The following BANK1 variants were observed in gnomAD, a reference collection of about 807,000 sequenced individuals.
The protein encoded by BANK1 is B-cell scaffold protein with ankyrin repeats.
Under a neutral mutation model 94.5 loss-of-function variants are expected in BANK1, and 95 were observed. The observed-to-expected ratio is 1.00, with a 90% CI of 0.85 to 1.19. The LOEUF (loss-of-function observed/expected upper bound fraction) is 1.19. BANK1 is among the 50% of genes most tolerant of loss of function. The pLI is 0.00. For missense variants in BANK1, 987 were observed against 932.2 expected (o/e 1.06, Z -0.77); for synonymous variants, 334 against 308.4 (o/e 1.08, Z -0.87).
At chr4:101,919,720 G>A (rs1722940317) in intron 7 of BANK1, among the ~76,000 whole-genome samples, 1 of 151,898 alleles carries the variant, frequency 6.6e-6, no homozygotes, top group African/African-American at 2.4e-5. Context: ...CTGCCTGAAT[G>A]TCTACAGTAA....
intron 2 of BANK1, among the ~76,000 whole-genome samples, chr4:101,840,192 T>C (rs1002911411): frequency 6.6e-6 from 1 of 150,958 alleles, no homozygotes; most frequent in Non-Finnish European, 1.5e-5. Flanking sequence ...ATGGTCTCGA[T>C]CTCCTGACCT....
intron 7 of BANK1, among the ~76,000 whole-genome samples, chr4:101,933,218 G>A (rs921382721): frequency 1.1e-4 from 16 of 151,140 alleles, no homozygotes; most frequent in Non-Finnish European, 1.3e-4. Flanking sequence ...GAGATTATTT[G>A]GAGAAACTAG....
At chr4:101,796,624 A>G (rs1023747077) in intron 1 of BANK1, among the ~76,000 whole-genome samples, 3 of 152,210 alleles carry the variant, frequency 2.0e-5, no homozygotes, top group African/African-American at 4.8e-5. Context: ...TTAGAGCTGG[A>G]GAGAAAATAA....
At chr4:101,926,359 T>C (rs1355140121) in intron 7 of BANK1, among the ~76,000 whole-genome samples, 1 of 151,766 alleles carries the variant, frequency 6.6e-6, no homozygotes, top group Non-Finnish European at 1.5e-5. Context: ...GATTGACTTA[T>C]TCTGCCTCTA....
intron 2 of BANK1, among the ~76,000 whole-genome samples, chr4:101,834,486 C>T (rs960237811): frequency 2.6e-5 from 4 of 152,136 alleles, no homozygotes; most frequent in African/African-American, 7.2e-5. Context: ...CATAAAATAA[C>T]TTTTATATGT....
At chr4:101,974,714 GAACATAGCTCTATACCTGA>G (rs1725066897) in intron 7 of BANK1, among the ~76,000 whole-genome samples, 1 of 151,614 alleles carries the variant, frequency 6.6e-6, no homozygotes, top group Non-Finnish European at 1.5e-5. Context: ...TTCATCTTGA[GAACATAGCTCTATACCTGA>G]TGTCAGGAGT....
intron 7 of BANK1, 48 bp downstream of exon 7, chr4:101,918,237 G>C: frequency 1.5e-6 from 2 of 1,303,794 alleles, no homozygotes; most frequent in Non-Finnish European, 2.1e-6. Flanking sequence ...GTTTGATATT[G>C]TAGAAGAGAC....
rs1225829691 is a variant in BANK1 at position 102,025,529 on chromosome 4, A to AAAAC, written c.1594+24_1594+27dup. 1 of 1,598,758 alleles carries AAAAC rather than the reference A, an allele frequency of 6.3e-7. No individual in the cohort carries two copies. Among genetic ancestry groups the AAAAC allele is most frequent in the East Asian group, 2.3e-5 (1 of 44,308 alleles). On this transcript the variant is annotated intron_variant, in intron 9 of 16. Transcript: ENST00000322953. Reference sequence around the variant, plus strand: ...TACCAGGTAAGTTTAAGGTTAGAAAAAAACAAAACAAAACAAAGACAAATC... The same window carrying AAAAC: ...TACCAGGTAAGTTTAAGGTTAGAAAAAAACAAACAAAACAAAACAAAGACAAATC...
At chr4:102,004,789 T>A (rs1430270267) in intron 7 of BANK1, among the ~76,000 whole-genome samples, 1 of 152,080 alleles carries the variant, frequency 6.6e-6, no homozygotes, top group African/African-American at 2.4e-5. Flanking sequence ...TTTAGAAAAA[T>A]TAAAGCCCTC....
intron 7 of BANK1, among the ~76,000 whole-genome samples, chr4:102,019,057 AT>A (rs1446866720): frequency 6.6e-6 from 1 of 151,978 alleles, no homozygotes; most frequent in African/African-American, 2.4e-5. Flanking sequence ...ACCTCAGGTA[AT>A]CCACCATGCC....
At chr4:101,795,820 T>C (rs1359016853) in intron 1 of BANK1, among the ~76,000 whole-genome samples, 1 of 152,136 alleles carries the variant, frequency 6.6e-6, no homozygotes, top group Non-Finnish European at 1.5e-5. Flanking sequence ...TCCACAGCCA[T>C]GTAAATCAAG....
At chr4:101,805,532 C>T (rs886729902) in intron 1 of BANK1, among the ~76,000 whole-genome samples, 5 of 151,546 alleles carry the variant, frequency 3.3e-5, no homozygotes, top group Non-Finnish European at 7.4e-5. Context: ...GTAGCCGTTT[C>T]TGAATGCCAC....
chr4:101,821,808 G>A lies in BANK1; in HGVS notation c.71-8000G>A, dbSNP rs145277440. The stretch of plus-strand genomic sequence containing the variant: ...AAACTGGACCCATGAAAGAAAAGTC[G>A]TAGAAAAATGGCCATACAGGAAAGC... On this transcript the variant is annotated intron_variant, in intron 1 of 16. Coordinates refer to ENST00000322953, the MANE Select transcript of BANK1 (RefSeq NM_017935.5). Among the ~76,000 whole-genome samples, 152 of 152,240 alleles carry A rather than the reference G, an allele frequency of 1.0e-3. 1 individual carries two copies. Among genetic ancestry groups the A allele is most frequent in the Non-Finnish European group, 1.9e-3 (126 of 68,008 alleles).
intron 1 of BANK1, among the ~76,000 whole-genome samples, chr4:101,816,733 CT>C (rs1258036464): frequency 1.3e-5 from 2 of 152,000 alleles, no homozygotes; most frequent in African/African-American, 4.8e-5. Context: ...ATATATCATA[CT>C]TTTTTCTAAT....
intron 1 of BANK1, among the ~76,000 whole-genome samples, chr4:101,804,167 T>C (rs7699179): frequency 0.72 from 94,478 of 131,382 alleles, 30,049 homozygotes; most frequent in African/African-American, 0.8. Flanking sequence ...GTCACAAAAA[T>C]ACAGACCATA....
At chr4:101,818,626 G>T (rs925606720) in intron 1 of BANK1, among the ~76,000 whole-genome samples, 1 of 152,024 alleles carries the variant, frequency 6.6e-6, no homozygotes, top group Non-Finnish European at 1.5e-5. Flanking sequence ...TATTTTGAAA[G>T]GAAGAGAAAG....
chr4:101,944,037 T>TGAGA (rs1343414585), intron 7 of BANK1, among the ~76,000 whole-genome samples: 336 of 148,138 alleles, frequency 2.3e-3, no homozygotes, highest in Non-Finnish European at 3.7e-3. Context: ...TGTGTGTGTG[T>TGAGA]GTGAGAGAGA....
intron 2 of BANK1, among the ~76,000 whole-genome samples, chr4:101,843,760 C>CAA (rs972459869): frequency 6.8e-6 from 1 of 146,674 alleles, no homozygotes; most frequent in African/African-American, 2.5e-5. Context: ...ACTAAATATA[C>CAA]AAAAAAAAAA....
intron 2 of BANK1, among the ~76,000 whole-genome samples, chr4:101,833,927 AGT>A (rs942180089): frequency 1.3e-5 from 2 of 152,158 alleles, no homozygotes; most frequent in Non-Finnish European, 2.9e-5. Flanking sequence ...AAAAGAAAAA[AGT>A]GTTACAATAG....
Sources: gnomAD v4.1 joint callset for allele counts (sites outside exome capture counted in the v4.1 genomes callset) on GRCh38, gnomAD v4.1.1 for gene constraint, MANE v1.5 for transcripts, NCBI Gene and HGNC (gene_info 2026-07-23, HGNC 2026-07-21) for gene names.